The following MBD2 variants were observed in gnomAD, a reference collection of about 807,000 sequenced individuals.
MBD2 encodes the protein methyl-CpG-binding domain protein 2.
A neutral mutation model predicts 39.3 loss-of-function variants in MBD2; 9 were observed. That is an observed-to-expected ratio of 0.23 (90% confidence interval 0.14 to 0.40). MBD2 has a LOEUF of 0.40. Among genes scored for constraint, MBD2 ranks in the 10% least tolerant of loss-of-function variants. The pLI is 1.00. For missense variants in MBD2, 458 were observed against 532.6 expected, an observed-to-expected ratio of 0.86 and a Z score of 1.38; for synonymous variants, 233 against 211.1, an observed-to-expected ratio of 1.10 and a Z score of -0.90.
At chr18:54,199,188 T>C (rs1045502331) in intron 2 of MBD2, among the ~76,000 whole-genome samples, 1 of 152,242 alleles carries the variant, frequency 6.6e-6, no homozygotes, top group Non-Finnish European at 1.5e-5. Context: ...TAGTCTCTCA[T>C]TTCCCAGAAA....
At chr18:54,160,712 A>G (rs2086090829) in intron 5 of MBD2, among the ~76,000 whole-genome samples, 2 of 151,914 alleles carry the variant, frequency 1.3e-5, no homozygotes. Flanking sequence ...AATTCCTAAT[A>G]CGTGTCTAGC....
intron 1 of MBD2, among the ~76,000 whole-genome samples, chr18:54,218,095 T>C (rs1006278219): frequency 5.9e-5 from 9 of 152,258 alleles, no homozygotes; most frequent in African/African-American, 1.7e-4. Context: ...ATTGGATTTC[T>C]TTCCTTTCTC....
chr18:54,210,685 G>A (rs532303148), intron 1 of MBD2, among the ~76,000 whole-genome samples: 23 of 152,254 alleles, frequency 1.5e-4, no homozygotes, highest in African/African-American at 5.1e-4. Context: ...GCCTGTGAGT[G>A]ACAAGGGGTG....
intron 3 of MBD2, among the ~76,000 whole-genome samples, chr18:54,170,780 G>T (rs2086174204): frequency 6.6e-6 from 1 of 152,090 alleles, no homozygotes; most frequent in Non-Finnish European, 1.5e-5. Flanking sequence ...CTTCAATTTG[G>T]GAAGACCTGG....
intron 4 of MBD2, 115 bp from the exon 5 acceptor site, chr18:54,164,815 T>C (rs2086119915): frequency 1.3e-6 from 1 of 769,516 alleles, no homozygotes; most frequent in East Asian, 2.7e-5. Flanking sequence ...TATGTAAAAC[T>C]GACATAAGAC....
intron 3 of MBD2, among the ~76,000 whole-genome samples, chr18:54,174,607 T>C (rs773341459): frequency 6.6e-6 from 1 of 152,226 alleles, no homozygotes; most frequent in Non-Finnish European, 1.5e-5. Context: ...AGAAAGTTGA[T>C]AGTCAATGTA....
intron 3 of MBD2, among the ~76,000 whole-genome samples, chr18:54,169,460 T>C (rs1009004549): frequency 1.3e-5 from 2 of 152,224 alleles, no homozygotes; most frequent in East Asian, 3.8e-4. Flanking sequence ...AAGTTTAACA[T>C]TTCCTGATGT....
chr18:54,185,686 C>T (rs1293681082), intron 3 of MBD2, among the ~76,000 whole-genome samples: 1 of 152,124 alleles, frequency 6.6e-6, no homozygotes, highest in Non-Finnish European at 1.5e-5. Context: ...TCAGTGATTA[C>T]TGTTTGGGAT....
intron 1 of MBD2, among the ~76,000 whole-genome samples, chr18:54,217,874 T>C (rs1472095310): frequency 6.6e-6 from 1 of 152,212 alleles, no homozygotes; most frequent in East Asian, 1.9e-4. Context: ...AAATCAGATG[T>C]AGGACAGACA....
intron 3 of MBD2, among the ~76,000 whole-genome samples, chr18:54,183,124 T>A (rs751380782): frequency 6.6e-6 from 1 of 152,192 alleles, no homozygotes; most frequent in Non-Finnish European, 1.5e-5. Context: ...AAGCGGACAG[T>A]GGTCCTTTCA....
At position 54,224,171 on chromosome 18, in the gene MBD2, G is replaced by C. The variant is rs770638917; in HGVS notation, c.389C>G (p.Pro130Arg). The change falls in exon 1 of 7, where the codon CCG becomes CGG. Residue 130 changes from proline to arginine, a missense_variant. Pro to Arg is a moderately radical substitution (Grantham distance 103). Transcript: ENST00000256429. The part of the protein sequence containing the change: ...GAPRREPVPF[P>R]SGSAGPGPRG... ...GGGCCCCGGCCCCGCGCTCCCCGAC[G>C]GGAAAGGGACCGGCTCCCGCCGGGG... is the stretch of plus-strand genomic sequence containing the variant. The C allele has an allele frequency of 5.7e-6, 8 of 1,405,720 alleles. No individual in the cohort carries two copies. In the Admixed American group the frequency reaches 7.6e-5, roughly 13 times the overall value. 87.1% of individuals were successfully genotyped at this position (1,405,720 alleles called of 1,614,324 possible). A position where few individuals can be genotyped will look rare whatever the true frequency, so the allele number is the denominator to read the frequency against.
At chr18:54,155,761 G>A (rs1353788504) in intron 6 of MBD2, among the ~76,000 whole-genome samples, 4 of 152,140 alleles carry the variant, frequency 2.6e-5, no homozygotes, top group Non-Finnish European at 4.4e-5. Context: ...CAGATGACAC[G>A]TATGCATCGA....
chr18:54,202,390 A>G (rs922769161), intron 2 of MBD2, among the ~76,000 whole-genome samples: 2 of 152,262 alleles, frequency 1.3e-5, no homozygotes, highest in Admixed American at 1.3e-4. Context: ...AAAGCAAAAC[A>G]TTACCTCAGA....
chr18:54,168,586 TATATATATATATTTA>T (rs2086154286), intron 3 of MBD2, among the ~76,000 whole-genome samples: 8 of 62,082 alleles, frequency 1.3e-4, no homozygotes, highest in African/African-American at 6.5e-4. Flanking sequence ...TATATATATA[TATATATATATATTTA>T]TGTATGCATA....
At chr18:54,171,398 A>G (rs1329025820) in intron 3 of MBD2, among the ~76,000 whole-genome samples, 1 of 150,486 alleles carries the variant, frequency 6.6e-6, no homozygotes, top group East Asian at 1.9e-4. Context: ...CTCCATCTCA[A>G]AAAAAAAAGC....
chr18:54,169,754 C>T (rs1237365044), intron 3 of MBD2, among the ~76,000 whole-genome samples: 2 of 152,150 alleles, frequency 1.3e-5, no homozygotes, highest in Non-Finnish European at 2.9e-5. Flanking sequence ...AATCTTGCTG[C>T]CTGGTGTGAG....
chr18:54,213,421 T>C (rs926860170), intron 1 of MBD2, among the ~76,000 whole-genome samples: 2 of 152,178 alleles, frequency 1.3e-5, no homozygotes, highest in Admixed American at 1.3e-4. Flanking sequence ...TCGGGATCCA[T>C]GGAAAAACCG....
At chr18:54,198,050 GT>G (rs1227446654) in intron 2 of MBD2, among the ~76,000 whole-genome samples, 1 of 152,200 alleles carries the variant, frequency 6.6e-6, no homozygotes, top group Non-Finnish European at 1.5e-5. Flanking sequence ...AGGAATGTTG[GT>G]GGAATAAATG....
intron 1 of MBD2, among the ~76,000 whole-genome samples, chr18:54,208,499 A>T (rs935725926): frequency 3.9e-5 from 6 of 152,240 alleles, no homozygotes; most frequent in African/African-American, 1.4e-4. Flanking sequence ...TCAATAAAAT[A>T]AAATAAAATG....
Sources: allele counts gnomAD v4.1 joint callset (sites outside exome capture counted in the v4.1 genomes callset), GRCh38; gene constraint gnomAD v4.1.1; transcripts MANE v1.5; gene names NCBI Gene and HGNC (gene_info 2026-07-23, HGNC 2026-07-21).